The following NLRP13 variants were observed in gnomAD, a reference collection of about 807,000 sequenced individuals.
The protein encoded by NLRP13 is NACHT, LRR and PYD domains-containing protein 13.
A neutral mutation model predicts 94.4 loss-of-function variants in NLRP13; 82 were observed. The ratio of observed to expected loss-of-function variants is 0.87; its 90% CI spans 0.73 to 1.04. The LOEUF (loss-of-function observed/expected upper bound fraction) is 1.04, where lower values mean the gene tolerates loss of function less well. Among genes scored for constraint, NLRP13 ranks in the 50% least tolerant of loss-of-function variants. The pLI is 0.00. For missense variants in NLRP13, 1,426 were observed against 1,230.8 expected, an observed-to-expected ratio of 1.16 and a Z score of -2.37; for synonymous variants, 553 against 464.7, an observed-to-expected ratio of 1.19 and a Z score of -2.45.
intron 5 of NLRP13, among the ~76,000 whole-genome samples, chr19:55,911,339 C>T (rs1986503665): frequency 6.6e-6 from 1 of 152,156 alleles, no homozygotes. Context: ...TCAAGCAATC[C>T]TCCCACCGCA....
At chr19:55,919,552 G>T (rs527348449) in intron 4 of NLRP13, among the ~76,000 whole-genome samples, 2 of 151,800 alleles carry the variant, frequency 1.3e-5, no homozygotes, top group South Asian at 4.2e-4. Flanking sequence ...AATATCAGTA[G>T]CCTTTCTATA....
chr19:55,922,227 G>T (rs933846394), intron 4 of NLRP13, among the ~76,000 whole-genome samples: 2 of 152,076 alleles, frequency 1.3e-5, no homozygotes, highest in African/African-American at 4.8e-5. Flanking sequence ...GGGAATTATG[G>T]GAGCTACAAT....
chr19:55,904,813 T>A lies in NLRP13; in HGVS notation c.2618+129A>T, dbSNP rs1986288807. 3 of 762,172 alleles carry A rather than the reference T, an allele frequency of 3.9e-6. No homozygotes were observed. The Admixed American group carries it at 9.0e-5, about 23-fold the overall frequency. 47.2% of individuals were successfully genotyped at this position (762,172 alleles called of 1,614,324 possible). A position where few individuals can be genotyped will look rare whatever the true frequency, so the allele number is the denominator to read the frequency against. On this transcript the variant is annotated intron_variant, in intron 8 of 10. Coordinates refer to ENST00000342929, the MANE Select transcript of NLRP13 (RefSeq NM_176810.2). ...TCTGAATCTGTTTTAGAGCAATTCC[T>A]GGCACATAGTAATTACTCAATGAAT...
At chr19:55,928,437 AC>A (rs1460542921) in intron 1 of NLRP13, among the ~76,000 whole-genome samples, 2 of 152,200 alleles carry the variant, frequency 1.3e-5, no homozygotes, top group Non-Finnish European at 2.9e-5. Flanking sequence ...AACATCAGTG[AC>A]AAGAAACAGG....
At chr19:55,896,856 T>C (rs1001410930) in intron 10 of NLRP13, among the ~76,000 whole-genome samples, 2 of 124,534 alleles carry the variant, frequency 1.6e-5, no homozygotes, top group Non-Finnish European at 3.4e-5. Flanking sequence ...TGGAAAAGAG[T>C]GGAGTACTTA....
At chr19:55,907,704 T>C in intron 7 of NLRP13, 88 bp downstream of exon 7, 1 of 1,229,746 alleles carries the variant, frequency 8.1e-7, no homozygotes, top group Non-Finnish European at 1.2e-6. Context: ...GCTACAAGGC[T>C]GAGTGCTGTC....
chr19:55,905,206 A>G, intron 7 of NLRP13, 94 bp from the exon 8 acceptor site: 1 of 1,289,422 alleles, frequency 7.8e-7, no homozygotes, highest in Non-Finnish European at 1.1e-6. Context: ...AGACCCAAAC[A>G]TTATGGGAAG....
intron 1 of NLRP13, among the ~76,000 whole-genome samples, chr19:55,925,285 C>T (rs1986941067): frequency 2.0e-5 from 3 of 152,204 alleles, no homozygotes; most frequent in Non-Finnish European, 4.4e-5. Context: ...CCTGGATTCC[C>T]AGACATCTGC....
chr19:55,906,140 C>T (rs573013171), intron 7 of NLRP13, among the ~76,000 whole-genome samples: 3 of 152,014 alleles, frequency 2.0e-5, no homozygotes, highest in Non-Finnish European at 4.4e-5. Context: ...GAGTTCGAGA[C>T]CAGCCTGTCC....
chr19:55,901,398 TAAGGGAGAG>T (rs1986168045), intron 9 of NLRP13, among the ~76,000 whole-genome samples: 1 of 152,064 alleles, frequency 6.6e-6, no homozygotes, highest in Non-Finnish European at 1.5e-5. Flanking sequence ...TGTGGGCACT[TAAGGGAGAG>T]AAGGGAGAGT....
At chr19:55,911,639 G>C (rs777275314) in intron 5 of NLRP13, 67 bp downstream of exon 5, 13 of 1,426,794 alleles carry the variant, frequency 9.1e-6, no homozygotes, top group Non-Finnish European at 1.2e-5. Flanking sequence ...GGTTTTGCAT[G>C]AAAGAATTTG....
At chr19:55,893,242 G>A (rs1985904829), downstream of NLRP13, among the ~76,000 whole-genome samples, 1 of 152,016 alleles carries the variant, frequency 6.6e-6, no homozygotes, top group African/African-American at 2.4e-5. Context: ...TACCAAGTTA[G>A]CTGGGTGTGG....
intron 9 of NLRP13, among the ~76,000 whole-genome samples, chr19:55,901,375 TTTTC>T (rs1321802593): frequency 6.6e-6 from 1 of 152,150 alleles, no homozygotes; most frequent in Non-Finnish European, 1.5e-5. Context: ...CGTTTGAACT[TTTTC>T]TTAGATAATG....
intron 1 of NLRP13, among the ~76,000 whole-genome samples, chr19:55,926,292 A>G (rs1986964124): frequency 6.6e-6 from 1 of 152,244 alleles, no homozygotes; most frequent in African/African-American, 2.4e-5. Context: ...TTCCAGATGA[A>G]CAGCCTAGCA....
intron 4 of NLRP13, among the ~76,000 whole-genome samples, chr19:55,913,562 A>AAAAAAAAAAAAAAAAAAAAAAAAAAG: frequency 6.7e-6 from 1 of 150,148 alleles, no homozygotes; most frequent in Non-Finnish European, 1.5e-5. Flanking sequence ...AAAAAAAAAA[A>AAAAAAAAAAAAAAAAAAAAAAAAAAG]AAAAAAAAAG....
chr19:55,903,303 G>A (rs1323434618), intron 8 of NLRP13, among the ~76,000 whole-genome samples: 7 of 152,084 alleles, frequency 4.6e-5, no homozygotes, highest in Non-Finnish European at 1.0e-4. Context: ...AAGGAGCAGA[G>A]GGCCAGAGTC....
downstream of NLRP13, chr19:55,892,140 T>G (rs946971851): frequency 8.1e-7 from 1 of 1,231,750 alleles, no homozygotes; most frequent in African/African-American, 1.6e-5. Context: ...TAAGAAGTAC[T>G]GAAGTTTAGA....
intron 4 of NLRP13, among the ~76,000 whole-genome samples, chr19:55,922,626 G>T (rs1986859739): frequency 1.3e-5 from 2 of 152,148 alleles, no homozygotes; most frequent in African/African-American, 4.8e-5. Context: ...ATGCCCAGCA[G>T]AGTTGTTTTA....
intron 3 of NLRP13, 98 bp downstream of exon 3, chr19:55,924,492 T>C (rs1290468394): frequency 2.4e-6 from 2 of 849,308 alleles, no homozygotes; most frequent in African/African-American, 1.7e-5. Flanking sequence ...TTATGTACCA[T>C]AAATTCAAGA....
Sources: gnomAD v4.1 joint callset for allele counts (sites outside exome capture counted in the v4.1 genomes callset) on GRCh38, gnomAD v4.1.1 for gene constraint, MANE v1.5 for transcripts, NCBI Gene and HGNC (gene_info 2026-07-23, HGNC 2026-07-21) for gene names.